The following PPFIBP2 variants were observed in gnomAD, a reference collection of about 807,000 sequenced individuals.
PPFIBP2 encodes PPFIB scaffold protein 2.
Under a neutral mutation model 118.3 loss-of-function variants are expected in PPFIBP2, and 118 were observed. The observed-to-expected ratio is 1.00, with a 90% confidence interval of 0.86 to 1.16. The LOEUF (loss-of-function observed/expected upper bound fraction) is 1.16, where lower values mean the gene tolerates loss of function less well. PPFIBP2 is among the 50% of genes most tolerant of loss of function. The pLI is 0.00. For missense variants in PPFIBP2, 1,195 were observed against 1,073.1 expected (o/e 1.11, Z -1.59); for synonymous variants, 414 against 397.4 (o/e 1.04, Z -0.50).
chr11:7,549,668 G>A (rs1852740963), intron 2 of PPFIBP2, 129 bp downstream of exon 2: 1 of 933,348 alleles, frequency 1.1e-6, no homozygotes, highest in South Asian at 1.9e-5. Flanking sequence ...TTTTTCAGTG[G>A]TGTTATTGTG....
Position 7,649,638 on chromosome 11 carries a change from G to T in PPFIBP2, c.2105G>T (p.Arg702Leu). 6.2e-7 allele frequency: 1 copy of T among 1,614,214 alleles called. No homozygotes were observed. The highest frequency in any genetic ancestry group is 8.5e-7 in the Non-Finnish European group (1 of 1,180,042). Reference protein sequence around the residue: ...VNKFNPHCLHRRPADESNLSP... With the variant: ...VNKFNPHCLHLRPADESNLSP... ...AAGTTCAACCCCCACTGCCTGCACC[G>T]GCGGCCAGCTGATGAGGTGAGACCA... Residue 702 changes from arginine to leucine, a missense_variant, in exon 21 of 24, where the codon CGG (arginine) becomes CTG (leucine). Coordinates refer to ENST00000299492, the MANE Select transcript of PPFIBP2 (RefSeq NM_003621.5).
At chr11:7,529,184 C>T (rs529033104) in intron 1 of PPFIBP2, among the ~76,000 whole-genome samples, 2 of 152,256 alleles carry the variant, frequency 1.3e-5, no homozygotes, top group South Asian at 4.2e-4. Context: ...CCTCCTTGTC[C>T]TACCACTTAA....
intron 7 of PPFIBP2, among the ~76,000 whole-genome samples, chr11:7,623,728 G>A (rs1224249993): frequency 1.3e-5 from 2 of 152,202 alleles, no homozygotes; most frequent in Non-Finnish European, 2.9e-5. Flanking sequence ...TAACAGAGAC[G>A]AGTGCCCATC....
At chr11:7,635,709 G>T in intron 14 of PPFIBP2, 116 bp downstream of exon 14, 1 of 1,131,772 alleles carries the variant, frequency 8.8e-7, no homozygotes, top group Non-Finnish European at 1.3e-6. Context: ...GGAGTAAGAG[G>T]GCAAGAGGAA....
intron 6 of PPFIBP2, among the ~76,000 whole-genome samples, chr11:7,615,291 G>C (rs1277778291): frequency 1.3e-5 from 2 of 150,364 alleles, no homozygotes; most frequent in Non-Finnish European, 3.0e-5. Context: ...AGCCGAGATC[G>C]TGCCACTGCA....
Position 7,648,911 on chromosome 11 carries a change from A to C in PPFIBP2, c.1909A>C (p.Arg637=). The change falls in exon 19 of 24, where the codon AGG becomes CGG. Residue 637 remains arginine (R), a splice_region_variant and synonymous_variant. Transcript: ENST00000299492. ...ACTGCTAGACCACATTTGGGTGACA[A>C]GTAAGGATAGGCATATATGTATTAA... is the stretch of plus-strand genomic sequence containing the variant. ...SALLDHIWVT[R]WLDDIGLPQY... is the part of the protein sequence containing the mutation. 8 of 1,610,614 alleles carry C rather than the reference A, an allele frequency of 5.0e-6. No individual in the cohort carries two copies. The highest frequency in any genetic ancestry group is 6.8e-6 in the Non-Finnish European group (8 of 1,176,834).
At chr11:7,553,732 A>G (rs11601754) in intron 2 of PPFIBP2, among the ~76,000 whole-genome samples, 51,066 of 152,022 alleles carry the variant, frequency 0.34, 9,853 homozygotes, top group African/African-American at 0.53. Context: ...TGCTTAATTG[A>G]TGTAAGTTAT....
At chr11:7,666,451 C>A in the PPFIBP2 span, 4 of 1,604,194 alleles carry the variant, frequency 2.5e-6, no homozygotes, top group South Asian at 4.4e-5. Flanking sequence ...GATGTCGTAC[C>A]AATGGGAGGC....
chr11:7,655,938 A>G (rs941406233), downstream of PPFIBP2, among the ~76,000 whole-genome samples: 2 of 152,132 alleles, frequency 1.3e-5, no homozygotes, highest in African/African-American at 4.8e-5. Flanking sequence ...GGTATCACAG[A>G]GTGTTGACAG....
chr11:7,540,802 G>C (rs1252690374), intron 1 of PPFIBP2, among the ~76,000 whole-genome samples: 5 of 152,174 alleles, frequency 3.3e-5, no homozygotes, highest in African/African-American at 1.2e-4. Context: ...CATTTAGGTA[G>C]TCAGAATTAA....
At chr11:7,651,124 C>T (rs1853933974) in intron 22 of PPFIBP2, 159 bp downstream of exon 22, 1 of 758,332 alleles carries the variant, frequency 1.3e-6, no homozygotes, top group African/African-American at 1.8e-5. Flanking sequence ...GATAACTTGT[C>T]CTTGAGAATT....
At chr11:7,597,125 T>C in intron 4 of PPFIBP2, 1 of 1,409,964 alleles carries the variant, frequency 7.1e-7, no homozygotes, top group Non-Finnish European at 9.3e-7. Flanking sequence ...CTCACACCCT[T>C]ATGAGAGAGG....
chr11:7,666,749 A>T, the PPFIBP2 span: 2 of 471,594 alleles, frequency 4.2e-6, no homozygotes, highest in Middle Eastern at 5.8e-4. Context: ...AAGTTCCTCC[A>T]TGTGGATGAA....
chr11:7,522,279 G>T (rs1849826669), intron 1 of PPFIBP2, among the ~76,000 whole-genome samples: 1 of 152,164 alleles, frequency 6.6e-6, no homozygotes. Flanking sequence ...CGTCAAACTG[G>T]ATACTGACGT....
At chr11:7,607,393 G>A (rs116424202) in intron 5 of PPFIBP2, among the ~76,000 whole-genome samples, 1,539 of 150,968 alleles carry the variant, frequency 0.01, 36 homozygotes, top group African/African-American at 0.036. Flanking sequence ...TTTTGCGTAT[G>A]TATTTTTTGT....
intron 3 of PPFIBP2, among the ~76,000 whole-genome samples, chr11:7,575,984 TCTC>T (rs1856269362): frequency 6.6e-6 from 1 of 152,092 alleles, no homozygotes; most frequent in African/African-American, 2.4e-5. Flanking sequence ...TGGCTAGAGC[TCTC>T]CTCCTTGCCG....
intron 2 of PPFIBP2, among the ~76,000 whole-genome samples, chr11:7,556,712 A>G (rs778898694): frequency 1.9e-4 from 29 of 152,306 alleles, no homozygotes; most frequent in South Asian, 4.1e-4. Context: ...TCATTTGAAA[A>G]ATGTCCTTAA....
At chr11:7,613,425 G>A (rs1053557662) in intron 6 of PPFIBP2, among the ~76,000 whole-genome samples, 2 of 152,180 alleles carry the variant, frequency 1.3e-5, no homozygotes, top group Non-Finnish European at 2.9e-5. Context: ...TTGATGGCCA[G>A]CCTTGCTCAA....
At chr11:7,577,562 G>A (rs762692265) in intron 3 of PPFIBP2, 10 of 456,678 alleles carry the variant, frequency 2.2e-5, no homozygotes, top group South Asian at 1.1e-4. Flanking sequence ...TTCCACCAAG[G>A]CATCTAACTG....
Sources: allele counts gnomAD v4.1 joint callset (sites outside exome capture counted in the v4.1 genomes callset), GRCh38; gene constraint gnomAD v4.1.1; transcripts MANE v1.5; gene names NCBI Gene and HGNC (gene_info 2026-07-23, HGNC 2026-07-21).